Variants in LCLAT1 observed in about 807,000 individuals in gnomAD.
The protein encoded by LCLAT1 is lysocardiolipin acyltransferase 1, also known as 1-AGP acyltransferase 8.
Under a neutral mutation model 30.7 loss-of-function variants are expected in LCLAT1, and 11 were observed. The ratio of observed to expected loss-of-function variants is 0.36; its 90% CI spans 0.23 to 0.59. The LOEUF is 0.59. Ranked by LOEUF, LCLAT1 falls within the 20% of genes least tolerant of loss-of-function variation. LCLAT1 has a pLI of 0.77. For missense variants in LCLAT1, 402 were observed against 458.6 expected (o/e 0.88, Z 1.13); for synonymous variants, 155 against 151.3 (o/e 1.02, Z -0.18).
intron 3 of LCLAT1, among the ~76,000 whole-genome samples, chr2:30,554,730 A>G (rs1305814606): frequency 6.6e-6 from 1 of 152,210 alleles, no homozygotes; most frequent in Admixed American, 6.5e-5. Context: ...ACCATTTGCA[A>G]ATCTTGAAGA....
chr2:30,488,573 ATTAGATATTGACTC>A (rs1194577608), intron 1 of LCLAT1, among the ~76,000 whole-genome samples: 1 of 152,186 alleles, frequency 6.6e-6, no homozygotes, highest in African/African-American at 2.4e-5. Flanking sequence ...GCTTTTTCAG[ATTAGATATTGACTC>A]TTAGATATTG....
At chr2:30,634,949 G>T (rs1668953964) in intron 5 of LCLAT1, among the ~76,000 whole-genome samples, 1 of 152,232 alleles carries the variant, frequency 6.6e-6, no homozygotes, top group Non-Finnish European at 1.5e-5. Context: ...CTGGCTCCCT[G>T]TGCCAGAGGC....
chr2:30,447,693 C>G (rs920590095), intron 1 of LCLAT1, among the ~76,000 whole-genome samples: 1 of 152,228 alleles, frequency 6.6e-6, no homozygotes, highest in Non-Finnish European at 1.5e-5. Context: ...GAAGAGGGTC[C>G]CGTCGGTGTT....
chr2:30,459,496 T>C (rs1681995452), intron 1 of LCLAT1: 1 of 754,400 alleles, frequency 1.3e-6, no homozygotes, highest in African/African-American at 1.7e-5. Context: ...ATGAGCCCGG[T>C]GCACTGTTCC....
At chr2:30,625,926 G>A (rs1038460104) in intron 5 of LCLAT1, among the ~76,000 whole-genome samples, 5 of 152,122 alleles carry the variant, frequency 3.3e-5, no homozygotes, top group African/African-American at 7.2e-5. Context: ...GGGCTCTTAC[G>A]ATACTTAAAA....
intron 1 of LCLAT1, among the ~76,000 whole-genome samples, chr2:30,525,048 A>G (rs1439057328): frequency 6.6e-6 from 1 of 151,738 alleles, no homozygotes; most frequent in African/African-American, 2.4e-5. Context: ...GTTAAAAAAA[A>G]AAGGCTTCTT....
intron 1 of LCLAT1, among the ~76,000 whole-genome samples, chr2:30,473,611 G>T (rs1682904790): frequency 6.6e-6 from 1 of 152,162 alleles, no homozygotes; most frequent in African/African-American, 2.4e-5. Context: ...TGGATGGATA[G>T]ATGAACATGG....
intron 1 of LCLAT1, among the ~76,000 whole-genome samples, chr2:30,466,648 G>A (rs1441164991): frequency 6.6e-6 from 1 of 151,948 alleles, no homozygotes; most frequent in African/African-American, 2.4e-5. Flanking sequence ...CTAAACTTTG[G>A]TGAATATCAG....
At chr2:30,547,422 C>T (rs1018427722) in intron 3 of LCLAT1, among the ~76,000 whole-genome samples, 1 of 152,164 alleles carries the variant, frequency 6.6e-6, no homozygotes, top group Non-Finnish European at 1.5e-5. Context: ...CTAATCTTAA[C>T]AGTGAACCAC....
chr2:30,570,071 A>G (rs1665714442), intron 5 of LCLAT1, among the ~76,000 whole-genome samples: 1 of 152,190 alleles, frequency 6.6e-6, no homozygotes, highest in East Asian at 1.9e-4. Context: ...ATTCCTTTAA[A>G]GGTATTTCTG....
chr2:30,447,445 T>C, intron 1 of LCLAT1, 62 bp downstream of exon 1: 1 of 152,794 alleles, frequency 6.5e-6, no homozygotes, highest in Non-Finnish European at 1.5e-5. Context: ...GGCCGGGGGA[T>C]CTCAGAGGTG....
chr2:30,471,375 A>G (rs189430480), intron 1 of LCLAT1, among the ~76,000 whole-genome samples: 1 of 151,308 alleles, frequency 6.6e-6, no homozygotes, highest in Non-Finnish European at 1.5e-5. Flanking sequence ...ACACCTGACT[A>G]GTTTTTGTAT....
At chr2:30,452,346 T>C (rs1681594983) in intron 1 of LCLAT1, among the ~76,000 whole-genome samples, 1 of 150,838 alleles carries the variant, frequency 6.6e-6, no homozygotes, top group African/African-American at 2.4e-5. Flanking sequence ...TTAAAAGGAG[T>C]GTGAGAGGCT....
chr2:30,575,981 G>C (rs760492315), intron 5 of LCLAT1, among the ~76,000 whole-genome samples: 21 of 151,936 alleles, frequency 1.4e-4, no homozygotes, highest in Non-Finnish European at 2.8e-4. Context: ...TAATTACTGC[G>C]TGTCTTATGG....
At chr2:30,533,952 A>C (rs1372668869) in intron 3 of LCLAT1, among the ~76,000 whole-genome samples, 2 of 152,174 alleles carry the variant, frequency 1.3e-5, no homozygotes, top group East Asian at 3.9e-4. Context: ...TAATGTGAAA[A>C]AGGGAGGGGA....
chr2:30,498,384 G>A (rs565437283), intron 1 of LCLAT1, among the ~76,000 whole-genome samples: 6 of 152,294 alleles, frequency 3.9e-5, no homozygotes, highest in East Asian at 3.9e-4. Flanking sequence ...TGAAGACTTA[G>A]CCCGTGGCTA....
chr2:30,536,614 C>T (rs539771208), intron 3 of LCLAT1, among the ~76,000 whole-genome samples: 2 of 152,070 alleles, frequency 1.3e-5, no homozygotes, highest in African/African-American at 4.8e-5. Flanking sequence ...TAGACTGGCC[C>T]TAAGAGAAAT....
chr2:30,554,159 A>G (rs1432717471), intron 3 of LCLAT1, among the ~76,000 whole-genome samples: 2 of 152,190 alleles, frequency 1.3e-5, no homozygotes. Context: ...TTATAGCAAA[A>G]CCTCATGGAT....
At chr2:30,530,325 A>T (rs188482153) in intron 2 of LCLAT1, among the ~76,000 whole-genome samples, 371 of 152,338 alleles carry the variant, frequency 2.4e-3, no homozygotes, top group Non-Finnish European at 3.4e-3. Flanking sequence ...TAGATATTAC[A>T]GCTTTATTTC....
Sources: gnomAD v4.1 joint callset for allele counts (sites outside exome capture counted in the v4.1 genomes callset) on GRCh38, gnomAD v4.1.1 for gene constraint, MANE v1.5 for transcripts, NCBI Gene and HGNC (gene_info 2026-07-23, HGNC 2026-07-21) for gene names.